Variants in QKI observed in about 807,000 individuals in gnomAD.
QKI encodes the protein QKI, KH domain containing RNA binding, also known as KH domain-containing RNA-binding protein QKI.
QKI carries 10 observed loss-of-function variants against 39.0 expected under a neutral mutation model. That is an observed-to-expected ratio of 0.26 (90% CI 0.16 to 0.43). The LOEUF is 0.43. Ranked by LOEUF, QKI falls within the 20% of genes least tolerant of loss-of-function variation. The pLI is 1.00. For synonymous variants in QKI, 204 were observed against 155.4 expected (o/e 1.31, Z -2.33); for missense variants, 218 against 428.0 (o/e 0.51, Z 4.33).
chr6:163,492,188 T>A (rs1034653168), intron 3 of QKI, among the ~76,000 whole-genome samples: 1 of 152,200 alleles, frequency 6.6e-6, no homozygotes, highest in Non-Finnish European at 1.5e-5. Flanking sequence ...AAATAATTTT[T>A]CAGTCTAATA....
At chr6:163,418,094 CTTTT>C (rs919609202) in intron 1 of QKI, among the ~76,000 whole-genome samples, 1 of 140,892 alleles carries the variant, frequency 7.1e-6, no homozygotes. Flanking sequence ...TTAGGCATTA[CTTTT>C]TTTTTTTTGC....
chr6:163,496,843 A>T (rs1316535702), intron 3 of QKI, among the ~76,000 whole-genome samples: 2 of 152,178 alleles, frequency 1.3e-5, no homozygotes, highest in Non-Finnish European at 2.9e-5. Flanking sequence ...GACTTTCCAT[A>T]ACCACTTGGC....
intron 6 of QKI, chr6:163,565,210 C>A (rs190218463): frequency 1.0e-6 from 1 of 988,960 alleles, no homozygotes; most frequent in East Asian, 1.1e-4. Context: ...AACCTGTAAC[C>A]TTGTTGTTTA....
At chr6:163,570,627 A>G in intron 7 of QKI, 67 bp from the exon 8 acceptor site, 1 of 1,594,748 alleles carries the variant, frequency 6.3e-7, no homozygotes, top group Non-Finnish European at 8.5e-7. Context: ...ACTAGCTGAA[A>G]CTAATCTCTT....
At position 163,573,923 on chromosome 6, in the gene QKI, G is replaced by GCGACCACAGA. The variant is rs1562562726; in HGVS notation, c.*3213_*3214insCGACCACAGA. 6.6e-6 allele frequency: 1 copy of GCGACCACAGA among 152,030 alleles called. No homozygotes were observed. The highest frequency in any genetic ancestry group is 2.4e-5 in the African/African-American group (1 of 41,364). 9.4% of individuals were successfully genotyped at this position (152,030 alleles called of 1,614,324 possible). On this transcript the variant is annotated 3_prime_UTR_variant, in exon 8 of 8. Coordinates refer to ENST00000361752, the MANE Select transcript of QKI (RefSeq NM_006775.3). ...GAAGAACGTGACCACAGATAACATA[G>GCGACCACAGA]TGTGACTTGTTTTTATGTTGTTTGT...
chr6:163,476,991 A>G (rs1792653392), intron 2 of QKI, among the ~76,000 whole-genome samples: 1 of 147,984 alleles, frequency 6.8e-6, no homozygotes, highest in African/African-American at 2.5e-5. Flanking sequence ...TGTGATTTTC[A>G]GATTCCTTTT....
At chr6:163,437,302 G>A (rs1789383470) in intron 1 of QKI, among the ~76,000 whole-genome samples, 1 of 152,152 alleles carries the variant, frequency 6.6e-6, no homozygotes, top group South Asian at 2.1e-4. Context: ...AGTGATGTAT[G>A]TATACATATA....
chr6:163,517,778 AT>A (rs1235149927), intron 3 of QKI, among the ~76,000 whole-genome samples: 3 of 152,174 alleles, frequency 2.0e-5, no homozygotes, highest in Non-Finnish European at 4.4e-5. Context: ...ATCACACCGG[AT>A]AACTAACTTT....
intron 4 of QKI, among the ~76,000 whole-genome samples, chr6:163,552,255 C>G (rs1782279806): frequency 7.9e-6 from 1 of 127,200 alleles, no homozygotes; most frequent in Non-Finnish European, 1.6e-5. Flanking sequence ...GTTGCCTAGG[C>G]CGGAGTGCAG....
At chr6:163,458,834 G>T (rs985504967) in intron 2 of QKI, among the ~76,000 whole-genome samples, 6 of 152,112 alleles carry the variant, frequency 3.9e-5, no homozygotes, top group African/African-American at 1.4e-4. Flanking sequence ...TCTCTACTGT[G>T]TACCAAGCAC....
intron 3 of QKI, among the ~76,000 whole-genome samples, chr6:163,507,847 C>G (rs1024228524): frequency 9.1e-4 from 139 of 152,202 alleles, no homozygotes; most frequent in African/African-American, 3.1e-3. Flanking sequence ...AAAAGAAAAT[C>G]AGCTGATACC....
chr6:163,417,860 A>T (rs1267224360), intron 1 of QKI, among the ~76,000 whole-genome samples: 1 of 152,218 alleles, frequency 6.6e-6, no homozygotes, highest in Non-Finnish European at 1.5e-5. Flanking sequence ...TCAGACCAGT[A>T]CAAACATGCA....
At chr6:163,441,079 C>T (rs1789729115) in intron 1 of QKI, among the ~76,000 whole-genome samples, 1 of 152,020 alleles carries the variant, frequency 6.6e-6, no homozygotes, top group Non-Finnish European at 1.5e-5. Flanking sequence ...GATTGCAGTC[C>T]TTTTGTGCAA....
intron 3 of QKI, among the ~76,000 whole-genome samples, chr6:163,507,394 C>G (rs1390808352): frequency 6.6e-6 from 1 of 152,196 alleles, no homozygotes; most frequent in Non-Finnish European, 1.5e-5. Context: ...CTCCAAGGAA[C>G]TCTGTAGGAT....
intron 3 of QKI, among the ~76,000 whole-genome samples, chr6:163,524,642 A>AT (rs11383012): frequency 0.79 from 119,273 of 151,630 alleles, 47,057 homozygotes; most frequent in East Asian, 1. Context: ...CTAATTTTGT[A>AT]TTTTAGTAGA....
chr6:163,473,164 G>A (rs1467072542), intron 2 of QKI, among the ~76,000 whole-genome samples: 1 of 152,168 alleles, frequency 6.6e-6, no homozygotes, highest in East Asian at 1.9e-4. Context: ...GGTCAGTCAG[G>A]TAGTTCTACT....
chr6:163,529,969 T>C (rs1238266649), intron 3 of QKI, among the ~76,000 whole-genome samples: 1 of 152,178 alleles, frequency 6.6e-6, no homozygotes, highest in South Asian at 2.1e-4. Context: ...TAGTTGGCAG[T>C]TGAATTTGGA....
At chr6:163,570,090 G>A (rs567036346) in intron 7 of QKI, 1 of 986,030 alleles carries the variant, frequency 1.0e-6, no homozygotes, top group South Asian at 4.7e-5. Flanking sequence ...GAAATTCCAT[G>A]TTGTTTGTAA....
At chr6:163,494,925 T>A (rs1048633265) in intron 3 of QKI, among the ~76,000 whole-genome samples, 1 of 114,614 alleles carries the variant, frequency 8.7e-6, no homozygotes, top group Non-Finnish European at 1.8e-5. Flanking sequence ...ATTTATTTAT[T>A]TTTTTTTTGA....
Sources: gnomAD v4.1 joint callset for allele counts (sites outside exome capture counted in the v4.1 genomes callset) on GRCh38, gnomAD v4.1.1 for gene constraint, MANE v1.5 for transcripts, NCBI Gene and HGNC (gene_info 2026-07-23, HGNC 2026-07-21) for gene names.